Variants in MKLN1 observed in about 807,000 individuals in gnomAD.
The protein encoded by MKLN1 is muskelin 1, also known as muskelin.
A neutral mutation model predicts 99.0 loss-of-function variants in MKLN1; 18 were observed. That is an observed-to-expected ratio of 0.18 (90% confidence interval 0.13 to 0.27). The LOEUF is 0.27. Ranked by LOEUF, MKLN1 falls within the 10% of genes least tolerant of loss-of-function variation. The pLI is 1.00. For synonymous variants in MKLN1, 288 were observed against 293.2 expected, an observed-to-expected ratio of 0.98 and a Z score of 0.18; for missense variants, 621 against 875.9, an observed-to-expected ratio of 0.71 and a Z score of 3.67.
intron 17 of MKLN1, among the ~76,000 whole-genome samples, chr7:131,485,710 C>CTGATCA (rs1797252714): frequency 6.6e-6 from 1 of 152,162 alleles, no homozygotes; most frequent in African/African-American, 2.4e-5. Flanking sequence ...TAAACTGAAT[C>CTGATCA]TGATCATGAA....
At chr7:131,343,700 T>A (rs1411403201) in intron 1 of MKLN1, among the ~76,000 whole-genome samples, 1 of 152,176 alleles carries the variant, frequency 6.6e-6, no homozygotes, top group Admixed American at 6.5e-5. Flanking sequence ...ATAGAACTCT[T>A]TGAATTTTAT....
intron 3 of MKLN1, among the ~76,000 whole-genome samples, chr7:131,267,973 G>T (rs1015153535): frequency 2.6e-5 from 4 of 151,920 alleles, no homozygotes; most frequent in African/African-American, 7.3e-5. Flanking sequence ...TTTCTTACCA[G>T]TTTTTTTTCT....
At chr7:131,330,972 ATAAT>A (rs1339634278) in intron 1 of MKLN1, among the ~76,000 whole-genome samples, 1 of 152,174 alleles carries the variant, frequency 6.6e-6, no homozygotes, top group Admixed American at 6.5e-5. Flanking sequence ...ACCTAATTTA[ATAAT>A]TAAATACACT....
intron 2 of MKLN1, among the ~76,000 whole-genome samples, chr7:131,185,672 A>C (rs556538404): frequency 7.2e-5 from 11 of 152,336 alleles, no homozygotes; most frequent in Middle Eastern, 3.4e-3. Context: ...GGGGTTGTGA[A>C]CATAGATTCT....
At position 131,490,582 on chromosome 7, in the gene MKLN1, AC is replaced by A. The variant is rs1797399634; in HGVS notation, c.*2855del. 2 of 152,600 alleles carry A rather than the reference AC, an allele frequency of 1.3e-5. No homozygotes were observed. Among genetic ancestry groups the A allele is most frequent in the African/African-American group, 4.8e-5 (2 of 41,458 alleles). The allele number at this position is 152,600 out of a possible 1,614,324, so 9.5% of individuals were successfully genotyped here. ...CCTACCTCTGTGCTGAAGCTGACAG[AC>A]AGTATTAACTCTTATCAAGGCCATC... On this transcript the variant is annotated 3_prime_UTR_variant, in exon 18 of 18. Coordinates refer to ENST00000352689, the MANE Select transcript of MKLN1 (RefSeq NM_013255.5).
intron 2 of MKLN1, among the ~76,000 whole-genome samples, chr7:131,190,204 G>A (rs1796513899): frequency 6.6e-6 from 1 of 152,158 alleles, no homozygotes. Context: ...CTGATAGGTG[G>A]TAACAACAAA....
At chr7:131,287,106 C>G (rs1798143254) in intron 3 of MKLN1, among the ~76,000 whole-genome samples, 1 of 89,424 alleles carries the variant, frequency 1.1e-5, no homozygotes. Context: ...AACCCTGTCT[C>G]AAAACAAAAC....
In MKLN1 at chr7:131,447,690, T is replaced by A. The variant is rs117117154; in HGVS notation, c.1525+1787T>A. ...AGTGCTAGACTACGGACACAGTGGA[T>A]ACAAGGCAATCACAGTCTCTCAAAG... On this transcript the variant is annotated intron_variant, in intron 12 of 17. Transcript: ENST00000352689. 6.6e-4 allele frequency among the ~76,000 whole-genome samples: 100 copies of A among 152,332 alleles called. 1 individual carries two copies. In the East Asian group the frequency reaches 0.018, roughly 27 times the overall value.
intron 3 of MKLN1, among the ~76,000 whole-genome samples, chr7:131,229,212 T>C (rs1797203393): frequency 1.3e-5 from 2 of 151,920 alleles, no homozygotes; most frequent in African/African-American, 4.8e-5. Context: ...GTGCAGAATG[T>C]GCAGGTTTGT....
intron 1 of MKLN1, among the ~76,000 whole-genome samples, chr7:131,121,759 T>C (rs1021464797): frequency 2.0e-5 from 3 of 151,802 alleles, no homozygotes; most frequent in Admixed American, 2.0e-4. Context: ...TAAGTGCAGA[T>C]GTCCCCTGCA....
At chr7:131,388,221 A>G (rs539408619) in intron 3 of MKLN1, among the ~76,000 whole-genome samples, 13 of 150,782 alleles carry the variant, frequency 8.6e-5, no homozygotes, top group Non-Finnish European at 1.5e-4. Context: ...TGGCCCATTA[A>G]CATAATATTT....
chr7:131,255,876 C>T (rs541243110), intron 3 of MKLN1, among the ~76,000 whole-genome samples: 31 of 144,428 alleles, frequency 2.1e-4, no homozygotes, highest in Middle Eastern at 3.8e-3. Flanking sequence ...CCACTGTGCC[C>T]GACCTATTTA....
At chr7:131,466,242 T>C (rs760287413) in intron 14 of MKLN1, 34 bp from the exon 15 acceptor site, 2 of 1,521,654 alleles carry the variant, frequency 1.3e-6, no homozygotes, top group Admixed American at 3.6e-5. Flanking sequence ...TATGCATGCA[T>C]TTTTAAAAAT....
At chr7:131,167,605 G>A (rs1584804066) in intron 2 of MKLN1, among the ~76,000 whole-genome samples, 1 of 150,970 alleles carries the variant, frequency 6.6e-6, no homozygotes, top group Admixed American at 6.6e-5. Flanking sequence ...CTGGGAGGTT[G>A]AGGCTGCAGT....
At chr7:131,467,519 T>C (rs1289293966) in intron 15 of MKLN1, among the ~76,000 whole-genome samples, 1 of 152,136 alleles carries the variant, frequency 6.6e-6, no homozygotes, top group East Asian at 1.9e-4. Flanking sequence ...GACTGAATCA[T>C]ATAGCTGTCT....
At chr7:131,229,118 G>A (rs770761152) in intron 3 of MKLN1, among the ~76,000 whole-genome samples, 2 of 151,940 alleles carry the variant, frequency 1.3e-5, no homozygotes, top group Non-Finnish European at 2.9e-5. Context: ...CAGAATGTAG[G>A]GGGAGGGTGT....
chr7:131,484,850 G>T (rs1216400121), intron 17 of MKLN1, among the ~76,000 whole-genome samples: 1 of 151,736 alleles, frequency 6.6e-6, no homozygotes, highest in Non-Finnish European at 1.5e-5. Context: ...TACATATGAT[G>T]TTGCTGGGAG....
chr7:131,460,309 G>A (rs1366740971), intron 12 of MKLN1, among the ~76,000 whole-genome samples: 2 of 152,018 alleles, frequency 1.3e-5, no homozygotes, highest in African/African-American at 4.8e-5. Context: ...TAACATTTAT[G>A]AATAAAGGAC....
chr7:131,123,130 T>C (rs376464224), intron 1 of MKLN1, among the ~76,000 whole-genome samples: 9 of 151,800 alleles, frequency 5.9e-5, no homozygotes, highest in African/African-American at 2.2e-4. Flanking sequence ...GGAGCTCTTC[T>C]ACATAATAAA....
Sources: allele counts gnomAD v4.1 joint callset (sites outside exome capture counted in the v4.1 genomes callset), GRCh38; gene constraint gnomAD v4.1.1; transcripts MANE v1.5; gene names NCBI Gene and HGNC (gene_info 2026-07-23, HGNC 2026-07-21).